The following BCL9 variants were observed in gnomAD, a reference collection of about 807,000 sequenced individuals.
The protein encoded by BCL9 is B-cell CLL/lymphoma 9 protein.
In BCL9, 25 loss-of-function variants were observed where a neutral mutation model predicts 88.5. That is an observed-to-expected ratio of 0.28 (90% CI 0.21 to 0.39). The LOEUF is 0.39. Ranked by LOEUF, BCL9 falls within the 10% of genes least tolerant of loss-of-function variation. The probability of loss-of-function intolerance (pLI) is 1.00; values close to 1 mark genes in which losing one functional copy is unlikely to be tolerated. For synonymous variants in BCL9, 711 were observed against 673.3 expected, an observed-to-expected ratio of 1.06 and a Z score of -0.87; for missense variants, 1,817 against 1,877.8, an observed-to-expected ratio of 0.97 and a Z score of 0.60.
At chr1:147,584,584 T>C (rs2101556854) in intron 1 of BCL9, among the ~76,000 whole-genome samples, 1 of 152,360 alleles carries the variant, frequency 6.6e-6, no homozygotes, top group East Asian at 1.9e-4. Context: ...ATGTGTCTCT[T>C]GTTTTTGTTG....
rs1553204477 is a variant in BCL9 at position 147,619,309 on chromosome 1, G to A, written c.1154G>A (p.Ser385Asn). The change falls in exon 8 of 10, where the codon AGT becomes AAT. Residue 385 changes from serine (S) to asparagine (N), a missense_variant. Physicochemically the swap from Ser to Asn is conservative, Grantham distance 46. Around this residue, in one of 2 missense-constraint regions of BCL9, gnomAD observed 1,228 missense variants for 1,191.6 expected, o/e 1.03. Coordinates refer to ENST00000234739, the MANE Select transcript of BCL9 (RefSeq NM_004326.4). The surrounding 1 kb of genome is among the most constrained non-coding windows in gnomAD (Gnocchi z 4.1). The part of the protein sequence containing the change: ...PDEKEFTGAQ[S>N]GGPQQNPGVL... ...GAGAAAGAATTCACAGGAGCACAAA[G>A]TGGGGGACCGCAGCAGAATCCTGGG... The A allele has an allele frequency of 1.2e-6, 2 of 1,614,136 alleles. No homozygotes were observed. Among genetic ancestry groups the A allele is most frequent in the East Asian group, 2.2e-5 (1 of 44,872 alleles).
At chr1:147,614,722 C>A in intron 6 of BCL9, 106 bp downstream of exon 6, 1 of 1,237,032 alleles carries the variant, frequency 8.1e-7, no homozygotes, top group Non-Finnish European at 1.1e-6. Context: ...GTTAACAGTA[C>A]AGATAAAACA....
At chr1:147,603,012 C>T (rs1304668973) in intron 1 of BCL9, among the ~76,000 whole-genome samples, 4 of 152,214 alleles carry the variant, frequency 2.6e-5, no homozygotes, top group Admixed American at 6.5e-5. Context: ...CCTAACCACT[C>T]ATAATGGCGT....
intron 1 of BCL9, among the ~76,000 whole-genome samples, chr1:147,563,585 G>C (rs1655478880): frequency 6.6e-6 from 1 of 152,188 alleles, no homozygotes; most frequent in Non-Finnish European, 1.5e-5. Flanking sequence ...TCACTTCAGT[G>C]CTTCTGCCAT....
Position 147,625,561 on chromosome 1 carries a change from A to G in BCL9, c.*602A>G, listed in dbSNP as rs1251934518. The G allele has an allele frequency of 4.9e-5, 6 of 121,442 alleles. No homozygotes were observed. The East Asian group carries it at 1.2e-3, about 25-fold the overall frequency. 7.5% of individuals were successfully genotyped at this position (121,442 alleles called of 1,614,324 possible). A position where few individuals can be genotyped will look rare whatever the true frequency, so the allele number is the denominator to read the frequency against. ...CAGAGTATTAATGAAAAGCACAAAA[A>G]AAGGAACTAAGTTCAGCGAGGGGTG... is the stretch of plus-strand genomic sequence containing the variant. On this transcript the variant is annotated 3_prime_UTR_variant, in exon 10 of 10. Coordinates refer to ENST00000234739, the MANE Select transcript of BCL9 (RefSeq NM_004326.4).
At chr1:147,574,334 A>C (rs1209532228) in intron 1 of BCL9, among the ~76,000 whole-genome samples, 1 of 152,204 alleles carries the variant, frequency 6.6e-6, no homozygotes, top group Non-Finnish European at 1.5e-5. Flanking sequence ...AACGTAGTGC[A>C]ATGTGAGTGG....
chr1:147,571,100 A>G (rs1553197371), intron 1 of BCL9, among the ~76,000 whole-genome samples: 1 of 152,116 alleles, frequency 6.6e-6, no homozygotes, highest in South Asian at 2.1e-4. Flanking sequence ...GTTCCAAGGC[A>G]TGTCTCATCA....
chr1:147,557,682 G>A (rs1457132171), intron 1 of BCL9, among the ~76,000 whole-genome samples: 2 of 152,102 alleles, frequency 1.3e-5, no homozygotes, highest in Non-Finnish European at 2.9e-5. Context: ...ATAGGAAATG[G>A]GATGAGAAAA....
intron 1 of BCL9, among the ~76,000 whole-genome samples, chr1:147,571,225 G>A (rs1274509815): frequency 6.6e-6 from 1 of 152,082 alleles, no homozygotes; most frequent in African/African-American, 2.4e-5. Flanking sequence ...CTGCTCTGAG[G>A]TGGGTAGGAT....
Position 147,589,251 on chromosome 1 carries a change from C to T in BCL9, c.-477-15526C>T, listed in dbSNP as rs587724814. On this transcript the variant is annotated intron_variant, in intron 1 of 9. Transcript: ENST00000234739. Reference sequence around the variant, plus strand: ...GTCCTCTCACCTGGCAAGACATCTCCGTTTTGGTGTTCAGTCACCCATAAT... The same window carrying T: ...GTCCTCTCACCTGGCAAGACATCTCTGTTTTGGTGTTCAGTCACCCATAAT... Among the ~76,000 whole-genome samples the T allele has an allele frequency of 1.1e-4, 16 of 152,288 alleles. No individual in the cohort carries two copies. In the East Asian group the frequency reaches 3.1e-3, roughly 29 times the overall value.
At chr1:147,565,135 G>A (rs1553196542) in intron 1 of BCL9, among the ~76,000 whole-genome samples, 1 of 152,092 alleles carries the variant, frequency 6.6e-6, no homozygotes, top group African/African-American at 2.4e-5. Flanking sequence ...ATAAAACCAA[G>A]CTAGTTATTC....
At chr1:147,596,861 T>C (rs930861925) in intron 1 of BCL9, among the ~76,000 whole-genome samples, 1 of 152,056 alleles carries the variant, frequency 6.6e-6, no homozygotes, top group Non-Finnish European at 1.5e-5. Flanking sequence ...TAATAAATAT[T>C]AATAGTACAA....
In BCL9 at chr1:147,624,869, C is replaced by G; in HGVS notation, c.4191C>G (p.Pro1397=). The change falls in exon 10 of 10, where the codon CCC becomes CCG. Residue 1397 remains proline, a synonymous_variant. Coordinates refer to ENST00000234739, the MANE Select transcript of BCL9 (RefSeq NM_004326.4). This position sits in a 1 kb window ranked among gnomAD's most constrained non-coding sequence, Gnocchi z 4.4. ...MMGPQQNIMI[P]PQMRPRGMAA... ...GACCCCAACAGAACATCATGATCCC[C>G]CCACAGATGAGGCCCCGGGGCATGG... is the stretch of plus-strand genomic sequence containing the variant. The G allele has an allele frequency of 6.2e-7, 1 of 1,613,918 alleles. No individual in the cohort carries two copies. Among genetic ancestry groups the G allele is most frequent in the Non-Finnish European group, 8.5e-7 (1 of 1,179,940 alleles).
Position 147,613,024 on chromosome 1 carries a change from C to G in BCL9, c.195C>G (p.Asp65Glu), listed in dbSNP as rs1421205341. The G allele has an allele frequency of 1.9e-6, 3 of 1,605,494 alleles. No individual in the cohort carries two copies. The South Asian group carries it at 3.3e-5, about 18-fold the overall frequency. Reference sequence around the variant, plus strand: ...GCCAATCCCAGCCATCCCCCTGTGACTCCAAGAGTGGGGGCCATACCCCTA... The same window carrying G: ...GCCAATCCCAGCCATCCCCCTGTGAGTCCAAGAGTGGGGGCCATACCCCTA... ...SASQSQPSPC[D>E]SKSGGHTPKA... is the part of the protein sequence containing the mutation. Residue 65 changes from aspartate to glutamate, a missense_variant, in exon 5 of 10, where the codon GAC (aspartate) becomes GAG (glutamate). Transcript: ENST00000234739.
rs1553206186 is a variant in BCL9 at position 147,624,664 on chromosome 1, C to G, written c.3986C>G (p.Pro1329Arg). 2 of 1,614,102 alleles carry G rather than the reference C, an allele frequency of 1.2e-6. No individual in the cohort carries two copies. The highest frequency in any genetic ancestry group is 3.3e-5 in the Admixed American group (2 of 60,010). The change falls in exon 10 of 10, where the codon CCT becomes CGT. Residue 1329 changes from proline (P) to arginine (R), a missense_variant. This residue lies in a region of BCL9 where 589 missense variants were observed against 686.2 expected (regional missense o/e 0.86). Coordinates refer to ENST00000234739, the MANE Select transcript of BCL9 (RefSeq NM_004326.4). The surrounding 1 kb of genome is among the most constrained non-coding windows in gnomAD (Gnocchi z 4.4). The part of the protein sequence containing the change: ...PAFLQQGMMG[P>R]HHRMMSPAQS... ...TTTCTCCAACAAGGCATGATGGGAC[C>G]TCACCATCGGATGATGTCACCAGCA...
chr1:147,577,265 G>A (rs1167676120), intron 1 of BCL9, among the ~76,000 whole-genome samples: 2 of 152,050 alleles, frequency 1.3e-5, no homozygotes, highest in African/African-American at 2.4e-5. Context: ...GCACATGCTC[G>A]GCTCTGGAGA....
chr1:147,576,234 A>T (rs1267281093), intron 1 of BCL9, among the ~76,000 whole-genome samples: 1 of 152,202 alleles, frequency 6.6e-6, no homozygotes, highest in Non-Finnish European at 1.5e-5. Flanking sequence ...TTAGTAGATG[A>T]TACTTGCACA....
In BCL9 at chr1:147,623,853, A is replaced by G; in HGVS notation, c.3175A>G (p.Asn1059Asp). ...CTTTATTTTTCTAGGAATGGGCATT[A>G]ATACACAGAATCCTCGAATTTCAGG... ...SMNNMPGMGI[N>D]TQNPRISGPN... Residue 1059 changes from asparagine to aspartate, a missense_variant, in exon 10 of 10, where the codon AAT (asparagine) becomes GAT (aspartate). Coordinates refer to ENST00000234739, the MANE Select transcript of BCL9 (RefSeq NM_004326.4). 6.2e-7 allele frequency: 1 copy of G among 1,612,914 alleles called. No homozygotes were observed. The highest frequency in any genetic ancestry group is 8.5e-7 in the Non-Finnish European group (1 of 1,179,030).
In BCL9 at chr1:147,619,070, C is replaced by A. The variant is rs754263149; in HGVS notation, c.915C>A (p.Pro305=). The change falls in exon 8 of 10, where the codon CCC becomes CCA. Residue 305 remains proline (P), a synonymous_variant. Coordinates refer to ENST00000234739, the MANE Select transcript of BCL9 (RefSeq NM_004326.4). This position sits in a 1 kb window ranked among gnomAD's most constrained non-coding sequence, Gnocchi z 4.1. The part of the protein sequence containing the change: ...STPLPPDGTG[P]NSTPNNRAVT... ...CACTGCCCCCAGATGGTACTGGGCC[C>A]AACTCAACTCCCAACAATAGGGCAG... The A allele has an allele frequency of 5.0e-6, 8 of 1,613,164 alleles. No individual in the cohort carries two copies. Among genetic ancestry groups the A allele is most frequent in the Non-Finnish European group, 6.8e-6 (8 of 1,179,626 alleles).
Sources: allele counts gnomAD v4.1 joint callset (sites outside exome capture counted in the v4.1 genomes callset), GRCh38; gene constraint gnomAD v4.1.1; regional missense constraint gnomAD v4.1.1; non-coding constraint Gnocchi (gnomAD v3.1); transcripts MANE v1.5; gene names NCBI Gene and HGNC (gene_info 2026-07-23, HGNC 2026-07-21).